The following CNTN4 variants were observed in gnomAD, a reference collection of about 807,000 sequenced individuals.
The protein encoded by CNTN4 is contactin 4.
Under a neutral mutation model 122.5 loss-of-function variants are expected in CNTN4, and 77 were observed. The ratio of observed to expected loss-of-function variants is 0.63; its 90% CI spans 0.52 to 0.76. CNTN4 has a LOEUF of 0.76. CNTN4 is among the 30% of genes least tolerant of loss of function. The probability of loss-of-function intolerance (pLI) is 0.00; values close to 1 mark genes in which losing one functional copy is unlikely to be tolerated. For synonymous variants in CNTN4, 512 were observed against 447.0 expected, an observed-to-expected ratio of 1.15 and a Z score of -1.83; for missense variants, 1,256 against 1,259.1, an observed-to-expected ratio of 1.00 and a Z score of 0.04.
chr3:2,317,931 G>A (rs964582136), intron 2 of CNTN4, among the ~76,000 whole-genome samples: 6 of 152,144 alleles, frequency 3.9e-5, no homozygotes, highest in Non-Finnish European at 7.3e-5. Flanking sequence ...ATGACTTACA[G>A]GATTCAACAG....
chr3:2,172,545 A>T (rs1170902485), intron 2 of CNTN4, among the ~76,000 whole-genome samples: 2 of 152,186 alleles, frequency 1.3e-5, no homozygotes, highest in South Asian at 4.1e-4. Context: ...CCTAAAAACG[A>T]TTGAAATAAA....
At chr3:2,302,735 A>T (rs2042568886) in intron 2 of CNTN4, among the ~76,000 whole-genome samples, 1 of 152,228 alleles carries the variant, frequency 6.6e-6, no homozygotes. Flanking sequence ...TTTAGATGCT[A>T]AGGTGATATT....
At chr3:2,815,806 C>T (rs961714652) in intron 6 of CNTN4, among the ~76,000 whole-genome samples, 1 of 151,376 alleles carries the variant, frequency 6.6e-6, no homozygotes, top group Non-Finnish European at 1.5e-5. Flanking sequence ...TGGCACAATT[C>T]ACAATAGCAA....
intron 4 of CNTN4, among the ~76,000 whole-genome samples, chr3:2,663,279 A>G (rs2083993036): frequency 6.6e-6 from 1 of 152,202 alleles, no homozygotes; most frequent in Non-Finnish European, 1.5e-5. Flanking sequence ...ATAGGAATAG[A>G]TAATGAGCTA....
Position 2,975,757 on chromosome 3 carries a change from A to C in CNTN4, c.1359-12588A>C, listed in dbSNP as rs190011627. ...GCTTCCTGAGTGCTTTATATATTTT[A>C]ATGTTTTTTTCTCATTATAAAAGTT... On this transcript the variant is annotated intron_variant, in intron 13 of 24. Transcript: ENST00000418658. Among the ~76,000 whole-genome samples, 291 of 152,212 alleles carry C rather than the reference A, an allele frequency of 1.9e-3. 2 individuals carry two copies. Among genetic ancestry groups the C allele is most frequent in the African/African-American group, 6.7e-3 (277 of 41,538 alleles).
At chr3:2,634,884 A>G (rs1055060502) in intron 4 of CNTN4, among the ~76,000 whole-genome samples, 2 of 151,936 alleles carry the variant, frequency 1.3e-5, no homozygotes, top group African/African-American at 4.8e-5. Context: ...AAAAAATTCT[A>G]TAAATGATTA....
intron 3 of CNTN4, among the ~76,000 whole-genome samples, chr3:2,461,883 C>A (rs184755186): frequency 5.3e-5 from 8 of 152,244 alleles, no homozygotes; most frequent in Admixed American, 5.2e-4. Context: ...AGCTAAGCAG[C>A]TAAGATTCTA....
intron 3 of CNTN4, among the ~76,000 whole-genome samples, chr3:2,412,792 G>A (rs2151046158): frequency 6.6e-6 from 1 of 152,144 alleles, no homozygotes; most frequent in Non-Finnish European, 1.5e-5. Context: ...AGGATAGAAA[G>A]CTGTAGAATC....
At chr3:2,362,683 C>A in intron 3 of CNTN4, 1 of 374,734 alleles carries the variant, frequency 2.7e-6, no homozygotes. Context: ...GGTGAACAAT[C>A]CGTAAATGAC....
intron 3 of CNTN4, among the ~76,000 whole-genome samples, chr3:2,534,127 A>G (rs1180866895): frequency 6.6e-6 from 1 of 152,086 alleles, no homozygotes; most frequent in East Asian, 1.9e-4. Flanking sequence ...CCATTTGCCA[A>G]TTTTGGCTTT....
chr3:2,524,897 G>A (rs2077347071), intron 3 of CNTN4, among the ~76,000 whole-genome samples: 1 of 152,154 alleles, frequency 6.6e-6, no homozygotes, highest in African/African-American at 2.4e-5. Flanking sequence ...CAGCCTTTTG[G>A]AGGCTTAGCA....
At chr3:2,636,435 A>G (rs1326303609) in intron 4 of CNTN4, among the ~76,000 whole-genome samples, 2 of 152,284 alleles carry the variant, frequency 1.3e-5, no homozygotes, top group Admixed American at 1.3e-4. Context: ...AGACACCTAC[A>G]ACCTGCTCAC....
chr3:2,564,200 T>G (rs1339380981), intron 3 of CNTN4, among the ~76,000 whole-genome samples: 1 of 152,166 alleles, frequency 6.6e-6, no homozygotes, highest in Non-Finnish European at 1.5e-5. Flanking sequence ...CTGGACAATA[T>G]TTACCTATGG....
Position 2,608,836 on chromosome 3 carries a change from G to T in CNTN4, c.55+37278G>T, listed in dbSNP as rs146622333. Among the ~76,000 whole-genome samples, 287 of 152,304 alleles carry T rather than the reference G, an allele frequency of 1.9e-3. 2 individuals are homozygous for T. Among genetic ancestry groups the T allele is most frequent in the African/African-American group, 6.6e-3 (275 of 41,570 alleles). The stretch of plus-strand genomic sequence containing the variant: ...TTGTTTGAGAGTAATGAATAGAAAA[G>T]GAAGTTGTGGCATGAACTATCTGAT... On this transcript the variant is annotated intron_variant, in intron 4 of 24. Transcript: ENST00000418658.
intron 3 of CNTN4, among the ~76,000 whole-genome samples, chr3:2,447,040 T>G (rs958904841): frequency 2.0e-5 from 3 of 152,190 alleles, no homozygotes; most frequent in African/African-American, 7.2e-5. Context: ...TATCTTTCAA[T>G]TTAAGAAAAA....
intron 4 of CNTN4, among the ~76,000 whole-genome samples, chr3:2,671,673 T>C (rs1172205180): frequency 6.6e-6 from 1 of 152,208 alleles, no homozygotes; most frequent in Non-Finnish European, 1.5e-5. Context: ...CGCTGATTTT[T>C]AGAATTTTCA....
chr3:2,614,272 T>C (rs1285635344), intron 4 of CNTN4, among the ~76,000 whole-genome samples: 3 of 152,168 alleles, frequency 2.0e-5, no homozygotes, highest in Admixed American at 2.0e-4. Flanking sequence ...GCTTGAAATG[T>C]AGCCAGCAAG....
At chr3:2,126,313 C>G (rs188083931) in intron 2 of CNTN4, among the ~76,000 whole-genome samples, 95 of 152,264 alleles carry the variant, frequency 6.2e-4, no homozygotes, top group Non-Finnish European at 7.1e-4. Flanking sequence ...TATCTTGTCT[C>G]TGCGCCCAGT....
chr3:2,336,573 C>T (rs1171896603), intron 2 of CNTN4, among the ~76,000 whole-genome samples: 4 of 152,228 alleles, frequency 2.6e-5, no homozygotes, highest in African/African-American at 9.6e-5. Flanking sequence ...CTTATGATTT[C>T]TTAACTAGTA....
Sources: allele counts gnomAD v4.1 joint callset (sites outside exome capture counted in the v4.1 genomes callset), GRCh38; gene constraint gnomAD v4.1.1; transcripts MANE v1.5; gene names NCBI Gene and HGNC (gene_info 2026-07-23, HGNC 2026-07-21).